TTC23: variants seen among roughly 807,000 people sequenced by gnomAD.
The protein encoded by TTC23 is tetratricopeptide repeat protein 23.
Under a neutral mutation model 55.1 loss-of-function variants are expected in TTC23, and 58 were observed. The ratio of observed to expected loss-of-function variants is 1.05; its 90% CI spans 0.85 to 1.31. TTC23 has a LOEUF of 1.31. TTC23 is among the 50% of genes most tolerant of loss of function. TTC23 has a pLI of 0.00. For synonymous variants in TTC23, 203 were observed against 199.9 expected (o/e 1.02, Z -0.13); for missense variants, 516 against 534.4 (o/e 0.97, Z 0.34).
At chr15:99,218,527 G>C in intron 8 of TTC23, 61 bp downstream of exon 8, 1 of 1,606,492 alleles carries the variant, frequency 6.2e-7, no homozygotes, top group Non-Finnish European at 8.5e-7. Context: ...ACCTGAGACA[G>C]ATTCTACAGG....
chr15:99,172,343 T>C (rs971219413), intron 10 of TTC23, among the ~76,000 whole-genome samples: 3 of 152,188 alleles, frequency 2.0e-5, no homozygotes, highest in Non-Finnish European at 4.4e-5. Flanking sequence ...TGTCACCGAA[T>C]GCCCTCAGCT....
At chr15:99,177,459 C>A (rs950754033) in intron 9 of TTC23, among the ~76,000 whole-genome samples, 2 of 152,144 alleles carry the variant, frequency 1.3e-5, no homozygotes, top group African/African-American at 4.8e-5. Flanking sequence ...TGTATATAGA[C>A]AATAGCAGCC....
intron 10 of TTC23, among the ~76,000 whole-genome samples, chr15:99,162,452 A>G (rs2071501432): frequency 6.6e-6 from 1 of 152,198 alleles, no homozygotes; most frequent in African/African-American, 2.4e-5. Context: ...AGAAAACCTC[A>G]GGTATGGAAA....
intron 9 of TTC23, among the ~76,000 whole-genome samples, chr15:99,198,729 C>T (rs2075952738): frequency 6.6e-6 from 1 of 152,110 alleles, no homozygotes; most frequent in Non-Finnish European, 1.5e-5. Flanking sequence ...TTAAAAGAGA[C>T]AATCCAGATA....
intron 8 of TTC23, among the ~76,000 whole-genome samples, chr15:99,208,619 A>C (rs890816265): frequency 6.6e-6 from 1 of 152,200 alleles, no homozygotes; most frequent in Non-Finnish European, 1.5e-5. Flanking sequence ...ACACAGCCAG[A>C]AATGGAGGCT....
At chr15:99,167,403 T>G (rs2072271645) in intron 10 of TTC23, among the ~76,000 whole-genome samples, 1 of 152,224 alleles carries the variant, frequency 6.6e-6, no homozygotes, top group Admixed American at 6.5e-5. Flanking sequence ...GGAGCATGAC[T>G]TAGCTTGTAA....
chr15:99,167,565 G>A (rs1462757134), intron 10 of TTC23, among the ~76,000 whole-genome samples: 2 of 152,150 alleles, frequency 1.3e-5, no homozygotes, highest in East Asian at 1.9e-4. Context: ...CTCTGTTTGA[G>A]GACTTGGAGC....
intron 4 of TTC23, among the ~76,000 whole-genome samples, chr15:99,232,894 A>G (rs1340810496): frequency 6.6e-6 from 1 of 152,248 alleles, no homozygotes; most frequent in Non-Finnish European, 1.5e-5. Flanking sequence ...GTAAATGTCT[A>G]TCAACAGATG....
chr15:99,161,101 C>G (rs970462105), intron 11 of TTC23: 4 of 150,894 alleles, frequency 2.7e-5, no homozygotes, highest in African/African-American at 9.8e-5. Context: ...CATACATGCA[C>G]ACATACATAT....
intron 11 of TTC23, chr15:99,158,462 A>C (rs536630231): frequency 1.3e-5 from 2 of 152,416 alleles, no homozygotes; most frequent in South Asian, 4.1e-4. Context: ...AGATAGTATC[A>C]ACCTCTGCTA....
chr15:99,241,889 C>A (rs1397664706), intron 2 of TTC23, among the ~76,000 whole-genome samples: 1 of 152,152 alleles, frequency 6.6e-6, no homozygotes. Context: ...AATATCAGCA[C>A]TGTGGGAGGC....
chr15:99,235,717 C>A (rs1405956789), intron 3 of TTC23, among the ~76,000 whole-genome samples: 2 of 152,190 alleles, frequency 1.3e-5, no homozygotes, highest in Non-Finnish European at 2.9e-5. Context: ...TAAGTAAATT[C>A]ACATTGCTGT....
At chr15:99,179,710 A>G (rs1458079523) in intron 9 of TTC23, among the ~76,000 whole-genome samples, 1 of 152,232 alleles carries the variant, frequency 6.6e-6, no homozygotes, top group Non-Finnish European at 1.5e-5. Flanking sequence ...ACACAGCAGG[A>G]AAGAGCAGAA....
In TTC23 at chr15:99,228,517, A is replaced by G; in HGVS notation, c.180+16T>C. On this transcript the variant is annotated intron_variant, in intron 5 of 13. Coordinates refer to ENST00000394132, the MANE Select transcript of TTC23 (RefSeq NM_001288615.3). ...CAATTCTCAGAGTAGAAATACAGAA[A>G]CAAAAGTCTCCTTACCTCATGACTG... is the stretch of plus-strand genomic sequence containing the variant. 6.3e-7 allele frequency: 1 copy of G among 1,586,018 alleles called. No individual in the cohort carries two copies.
At chr15:99,212,514 T>C (rs1030536231) in intron 8 of TTC23, among the ~76,000 whole-genome samples, 3 of 152,018 alleles carry the variant, frequency 2.0e-5, no homozygotes, top group African/African-American at 7.3e-5. Flanking sequence ...CTGTACGAAG[T>C]AGCACCGGAA....
intron 9 of TTC23, among the ~76,000 whole-genome samples, chr15:99,194,943 A>C (rs997744957): frequency 6.6e-6 from 1 of 152,214 alleles, no homozygotes; most frequent in East Asian, 1.9e-4. Context: ...CAAAACCAAA[A>C]CAAAACAAAA....
chr15:99,237,108 A>C (rs543076092), intron 3 of TTC23, among the ~76,000 whole-genome samples: 1 of 151,908 alleles, frequency 6.6e-6, no homozygotes, highest in South Asian at 2.1e-4. Context: ...CAGCCTCCTG[A>C]GTAGCTGGGA....
rs114459237 is a variant in TTC23, at chr15:99,211,932, C to T, written c.581+6656G>A. On this transcript the variant is annotated intron_variant, in intron 8 of 13. Transcript: ENST00000394132. ...CTGGTCTTGAACTCCGGGCCTCAAG[C>T]GATCCTCCCATCTCAGCCTCCCAGT... is the stretch of plus-strand genomic sequence containing the variant. Among the ~76,000 whole-genome samples the T allele has an allele frequency of 9.5e-3, 1,447 of 152,254 alleles. 14 individuals are homozygous for T. Among genetic ancestry groups the T allele is most frequent in the African/African-American group, 0.027 (1,127 of 41,536 alleles).
intron 4 of TTC23, among the ~76,000 whole-genome samples, chr15:99,230,741 C>T (rs1241415505): frequency 6.6e-6 from 1 of 152,138 alleles, no homozygotes; most frequent in Non-Finnish European, 1.5e-5. Flanking sequence ...AAAAAGTTGT[C>T]AACCTTAAAT....
Sources: gnomAD v4.1 joint callset for allele counts (sites outside exome capture counted in the v4.1 genomes callset) on GRCh38, gnomAD v4.1.1 for gene constraint, MANE v1.5 for transcripts, NCBI Gene and HGNC (gene_info 2026-07-23, HGNC 2026-07-21) for gene names.